FLACC1: variants seen among roughly 807,000 people sequenced by gnomAD.
The protein encoded by FLACC1 is flagellum associated containing coiled-coil domains 1.
FLACC1 carries 66 observed loss-of-function variants against 62.8 expected under a neutral mutation model. The observed-to-expected ratio is 1.05, with a 90% CI of 0.86 to 1.29. The LOEUF is 1.29. Ranked by LOEUF, FLACC1 falls within the 50% of genes most tolerant of loss-of-function variation. The pLI, the probability that FLACC1 is intolerant of heterozygous loss-of-function variation, is 0.00. For synonymous variants in FLACC1, 156 were observed against 161.0 expected, an observed-to-expected ratio of 0.97 and a Z score of 0.24; for missense variants, 452 against 489.1, an observed-to-expected ratio of 0.92 and a Z score of 0.71.
intron 5 of FLACC1, among the ~76,000 whole-genome samples, chr2:201,344,927 T>G (rs1322502734): frequency 6.6e-6 from 1 of 152,162 alleles, no homozygotes; most frequent in Non-Finnish European, 1.5e-5. Context: ...AGAGAGAATG[T>G]GGGCTGATAA....
chr2:201,305,214 T>A (rs1260660390), intron 11 of FLACC1, among the ~76,000 whole-genome samples: 1 of 152,044 alleles, frequency 6.6e-6, no homozygotes, highest in Non-Finnish European at 1.5e-5. Flanking sequence ...CACAATCTAC[T>A]AAGAACTTAA....
chr2:201,290,855 T>C (rs115813376), intron 12 of FLACC1, among the ~76,000 whole-genome samples: 109 of 152,296 alleles, frequency 7.2e-4, no homozygotes, highest in African/African-American at 2.5e-3. Context: ...CCAACAGTCT[T>C]AGCAAACGGC....
intron 3 of FLACC1, 146 bp downstream of exon 3, chr2:201,350,565 C>G: frequency 1.5e-6 from 1 of 671,994 alleles, no homozygotes. Flanking sequence ...CCTGTATTCC[C>G]AGCTACTCGA....
At chr2:201,322,262 TCA>T (rs1559402634) in intron 9 of FLACC1, among the ~76,000 whole-genome samples, 1 of 93,318 alleles carries the variant, frequency 1.1e-5, no homozygotes, top group Non-Finnish European at 2.2e-5. Flanking sequence ...AGATTCAGCC[TCA>T]AAAAAAAAAA....
chr2:201,293,811 T>C (rs574950976), intron 12 of FLACC1, among the ~76,000 whole-genome samples: 3 of 125,116 alleles, frequency 2.4e-5, no homozygotes, highest in East Asian at 4.7e-4. Context: ...AAGAATCAAA[T>C]AGACGCAAAA....
intron 9 of FLACC1, among the ~76,000 whole-genome samples, chr2:201,318,899 T>C (rs1023196406): frequency 2.6e-5 from 4 of 151,896 alleles, no homozygotes; most frequent in African/African-American, 4.8e-5. Context: ...GCTATGAGGA[T>C]GCAAAGGCAT....
At chr2:201,350,299 C>G (rs889296748) in intron 3 of FLACC1, among the ~76,000 whole-genome samples, 3 of 152,086 alleles carry the variant, frequency 2.0e-5, no homozygotes, top group Non-Finnish European at 4.4e-5. Flanking sequence ...GCAGGAGAAT[C>G]GTTTGAACCA....
chr2:201,349,087 T>C (rs566463605), intron 3 of FLACC1, among the ~76,000 whole-genome samples: 2 of 152,336 alleles, frequency 1.3e-5, no homozygotes, highest in South Asian at 4.1e-4. Context: ...AAGTAACATA[T>C]TCACAGTCTC....
chr2:201,358,861 A>T (rs1274246095), upstream of FLACC1, among the ~76,000 whole-genome samples: 1 of 152,192 alleles, frequency 6.6e-6, no homozygotes, highest in Non-Finnish European at 1.5e-5. Flanking sequence ...ATGCAGCCAC[A>T]ATGACTCATA....
chr2:201,303,268 G>A (rs1376843583), intron 11 of FLACC1, among the ~76,000 whole-genome samples: 4 of 151,938 alleles, frequency 2.6e-5, no homozygotes, highest in African/African-American at 7.3e-5. Context: ...ATCCCACAGA[G>A]ATACAAACTA....
chr2:201,363,072 G>A, the FLACC1 span, among the ~76,000 whole-genome samples: 1 of 152,110 alleles, frequency 6.6e-6, no homozygotes, highest in Non-Finnish European at 1.5e-5. Flanking sequence ...TGGTGCAGCA[G>A]AGCCCTCTGC....
chr2:201,307,231 CA>C (rs2125560056), intron 11 of FLACC1, among the ~76,000 whole-genome samples: 1 of 152,308 alleles, frequency 6.6e-6, no homozygotes, highest in African/African-American at 2.4e-5. Context: ...GGGATTTTGG[CA>C]AAATAAGGAA....
intron 7 of FLACC1, among the ~76,000 whole-genome samples, chr2:201,339,753 C>G (rs1480180247): frequency 6.6e-6 from 1 of 152,052 alleles, no homozygotes; most frequent in Non-Finnish European, 1.5e-5. Flanking sequence ...TTATTCTAAT[C>G]TTATAAGTGT....
At chr2:201,347,355 C>A (rs2125618453) in intron 4 of FLACC1, among the ~76,000 whole-genome samples, 1 of 152,322 alleles carries the variant, frequency 6.6e-6, no homozygotes, top group Non-Finnish European at 1.5e-5. Context: ...CTCCACACCC[C>A]TGCCTGACGG....
At chr2:201,329,065 A>G (rs1950545938) in intron 9 of FLACC1, among the ~76,000 whole-genome samples, 1 of 152,172 alleles carries the variant, frequency 6.6e-6, no homozygotes, top group African/African-American at 2.4e-5. Flanking sequence ...AGCCCATGGT[A>G]AATACTAATC....
chr2:201,321,683 C>A (rs559593458), intron 9 of FLACC1, among the ~76,000 whole-genome samples: 5 of 152,284 alleles, frequency 3.3e-5, no homozygotes, highest in African/African-American at 1.2e-4. Context: ...AAAATTCCTG[C>A]AGATGAAAAG....
chr2:201,313,949 C>T (rs10931940), intron 9 of FLACC1, among the ~76,000 whole-genome samples: 50,907 of 151,942 alleles, frequency 0.34, 10,108 homozygotes, highest in East Asian at 0.48. Flanking sequence ...ATGTCTAGAT[C>T]CTAAAAAGAG....
At chr2:201,302,577 G>A (rs903720827) in intron 11 of FLACC1, among the ~76,000 whole-genome samples, 19 of 152,046 alleles carry the variant, frequency 1.2e-4, no homozygotes, top group South Asian at 2.1e-4. Flanking sequence ...TGCACCAAGT[G>A]GACCTAATAG....
chr2:201,310,683 C>T (rs1950201299), intron 9 of FLACC1, among the ~76,000 whole-genome samples: 1 of 152,132 alleles, frequency 6.6e-6, no homozygotes, highest in Non-Finnish European at 1.5e-5. Context: ...CAGAGTGATA[C>T]ATTCTTTTTG....
Sources: gnomAD v4.1 joint callset for allele counts (sites outside exome capture counted in the v4.1 genomes callset) on GRCh38, gnomAD v4.1.1 for gene constraint, MANE v1.5 for transcripts, NCBI Gene and HGNC (gene_info 2026-07-23, HGNC 2026-07-21) for gene names.